EXD1: variants seen among roughly 807,000 people sequenced by gnomAD.
The protein encoded by EXD1 is piRNA biogenesis protein EXD1.
EXD1 carries 63 observed loss-of-function variants against 49.1 expected under a neutral mutation model. That is an observed-to-expected ratio of 1.28 (90% CI 1.05 to 1.58). The LOEUF is 1.58. Ranked by LOEUF, EXD1 falls within the 40% of genes most tolerant of loss-of-function variation. The pLI, the probability that EXD1 is intolerant of heterozygous loss-of-function variation, is 0.00. For synonymous variants in EXD1, 234 were observed against 239.2 expected (o/e 0.98, Z 0.20); for missense variants, 748 against 666.0 (o/e 1.12, Z -1.36).
At chr15:41,199,810 GTC>G (rs1237613579) in intron 7 of EXD1, among the ~76,000 whole-genome samples, 217 of 11,124 alleles carry the variant, frequency 0.02, no homozygotes, top group African/African-American at 0.034. Flanking sequence ...TATTATATAT[GTC>G]ATATATAGAT....
intron 6 of EXD1, among the ~76,000 whole-genome samples, chr15:41,213,057 A>G (rs1323632945): frequency 6.6e-6 from 1 of 151,752 alleles, no homozygotes; most frequent in African/African-American, 2.4e-5. Flanking sequence ...ATTTTTTTTA[A>G]TTTATAAGGA....
chr15:41,199,834 T>G (rs879846945), intron 7 of EXD1, among the ~76,000 whole-genome samples: 1 of 136,706 alleles, frequency 7.3e-6, no homozygotes, highest in Non-Finnish European at 1.6e-5. Context: ...TATGTCAATA[T>G]ATGATATATA....
In EXD1 at chr15:41,227,380, G is replaced by T. The variant is rs79808427; in HGVS notation, c.-53-752C>A. Among the ~76,000 whole-genome samples, 905 of 152,194 alleles carry T rather than the reference G, an allele frequency of 5.9e-3. 6 individuals carry two copies. The highest frequency in any genetic ancestry group is 0.021 in the African/African-American group (880 of 41,528). ...ACGCTAAAGGTATTTTAAAATAAAAGCCAAATTGGCCGGGCGCAGTGGCTC... is the reference window on the plus strand; with the variant it reads ...ACGCTAAAGGTATTTTAAAATAAAATCCAAATTGGCCGGGCGCAGTGGCTC... On this transcript the variant is annotated intron_variant, in intron 1 of 11. Coordinates refer to ENST00000458580, the MANE Select transcript of EXD1 (RefSeq NM_001286441.2).
chr15:41,203,291 G>T (rs531714020), intron 7 of EXD1, among the ~76,000 whole-genome samples: 4 of 152,226 alleles, frequency 2.6e-5, no homozygotes, highest in South Asian at 2.1e-4. Flanking sequence ...GACAGATCAT[G>T]TATTCTCTGG....
At chr15:41,229,812 A>G (rs148788632) in intron 1 of EXD1, among the ~76,000 whole-genome samples, 2,296 of 152,246 alleles carry the variant, frequency 0.015, 23 homozygotes, top group Middle Eastern at 0.02. Flanking sequence ...CTAGTTCTTC[A>G]AACTAGAACC....
At chr15:41,184,813 C>T (rs1252658660) in intron 11 of EXD1, among the ~76,000 whole-genome samples, 2 of 152,040 alleles carry the variant, frequency 1.3e-5, no homozygotes, top group Non-Finnish European at 2.9e-5. Flanking sequence ...TGCCACCACG[C>T]CCAGCTAATT....
intron 1 of EXD1, 106 bp downstream of exon 1, chr15:41,230,373 G>T: frequency 1.6e-6 from 2 of 1,242,576 alleles, no homozygotes; most frequent in Non-Finnish European, 1.2e-6. Flanking sequence ...GTGAGCCACC[G>T]TGCCAGGCCT....
intron 7 of EXD1, among the ~76,000 whole-genome samples, chr15:41,202,706 A>G (rs776235942): frequency 1.3e-5 from 2 of 152,058 alleles, no homozygotes; most frequent in Non-Finnish European, 2.9e-5. Flanking sequence ...GCTTCAAGCA[A>G]TCCTCCCACT....
intron 7 of EXD1, among the ~76,000 whole-genome samples, chr15:41,205,141 T>G (rs1476434227): frequency 6.6e-6 from 1 of 152,192 alleles, no homozygotes; most frequent in Non-Finnish European, 1.5e-5. Context: ...GTTGTGTCTT[T>G]TCTCCTCTTA....
chr15:41,206,618 C>CTTTTTTT (rs764744329), intron 7 of EXD1, among the ~76,000 whole-genome samples: 3 of 101,190 alleles, frequency 3.0e-5, no homozygotes, highest in South Asian at 3.4e-4. Flanking sequence ...TTATTCAATT[C>CTTTTTTT]TTTTTTTTTT....
intron 7 of EXD1, among the ~76,000 whole-genome samples, chr15:41,196,379 C>T (rs1048017369): frequency 6.9e-6 from 1 of 145,302 alleles, no homozygotes; most frequent in African/African-American, 2.6e-5. Context: ...TGCAGTGGCG[C>T]GATCTTGGCT....
At chr15:41,186,971 G>A (rs1267043773) in intron 11 of EXD1, among the ~76,000 whole-genome samples, 62 of 147,142 alleles carry the variant, frequency 4.2e-4, no homozygotes, top group Middle Eastern at 7.2e-3. Flanking sequence ...CGCAACCTCC[G>A]CCTCCCAGGT....
Position 41,200,137 on chromosome 15 carries a change from G to A in EXD1, c.535-4100C>T, listed in dbSNP as rs192068090. Among the ~76,000 whole-genome samples, 585 of 151,712 alleles carry A rather than the reference G, an allele frequency of 3.9e-3. 3 individuals are homozygous for A. The highest frequency in any genetic ancestry group is 0.02 in the South Asian group (97 of 4,798). On this transcript the variant is annotated intron_variant, in intron 7 of 11. Coordinates refer to ENST00000458580, the MANE Select transcript of EXD1 (RefSeq NM_001286441.2). ...GTTGCCCAGGTTAGTCTCCAACTCC[G>A]GAGCTCAAGTGATCCGCCTGCCTCG...
intron 6 of EXD1, among the ~76,000 whole-genome samples, chr15:41,214,750 A>AC (rs1204624175): frequency 2.0e-5 from 3 of 147,672 alleles, no homozygotes; most frequent in African/African-American, 7.5e-5. Context: ...TAAGTTCTTC[A>AC]CTTTTTTTTT....
intron 6 of EXD1, among the ~76,000 whole-genome samples, chr15:41,212,379 C>T (rs1460898454): frequency 2.6e-5 from 4 of 151,696 alleles, no homozygotes; most frequent in East Asian, 2.0e-4. Flanking sequence ...GGTGTGAACC[C>T]GGGAGGCAGA....
At chr15:41,222,028 C>A (rs1197849828) in intron 2 of EXD1, among the ~76,000 whole-genome samples, 3 of 151,432 alleles carry the variant, frequency 2.0e-5, no homozygotes, top group Admixed American at 6.6e-5. Flanking sequence ...TGAACCCAGG[C>A]GTCAGAGGTT....
chr15:41,191,084 T>C (rs2046507308), intron 10 of EXD1, among the ~76,000 whole-genome samples: 1 of 151,994 alleles, frequency 6.6e-6, no homozygotes, highest in South Asian at 2.1e-4. Flanking sequence ...CCTGCCACCA[T>C]GCCCAGTTAA....
At chr15:41,222,093 C>T (rs996322469) in intron 2 of EXD1, among the ~76,000 whole-genome samples, 17 of 151,802 alleles carry the variant, frequency 1.1e-4, no homozygotes, top group African/African-American at 3.9e-4. Flanking sequence ...GAGTGAGACT[C>T]CGTCTCGGAA....
chr15:41,230,756 C>G lies in EXD1; in HGVS notation c.-331G>C, dbSNP rs534190729. 2.3e-5 allele frequency: 13 copies of G among 570,836 alleles called. No individual in the cohort carries two copies. The highest frequency in any genetic ancestry group is 2.3e-4 in the African/African-American group (12 of 53,146). 35.4% of individuals were successfully genotyped at this position (570,836 alleles called of 1,614,324 possible). ...CGCCCGGCCCAACGTCCAGTCTCGT[C>G]TGTTTCCCGAGGAGCCAATCAGCAC... is the stretch of plus-strand genomic sequence containing the variant. On this transcript the variant is annotated 5_prime_UTR_variant, in exon 1 of 12. Transcript: ENST00000458580.
Sources: allele counts gnomAD v4.1 joint callset (sites outside exome capture counted in the v4.1 genomes callset), GRCh38; gene constraint gnomAD v4.1.1; transcripts MANE v1.5; gene names NCBI Gene and HGNC (gene_info 2026-07-23, HGNC 2026-07-21).